The following PLS1 variants were observed in gnomAD, a reference collection of about 807,000 sequenced individuals.
PLS1 encodes the protein plastin-1.
In PLS1, 32 loss-of-function variants were observed where a neutral mutation model predicts 73.7. The ratio of observed to expected loss-of-function variants is 0.43; its 90% CI spans 0.33 to 0.58. PLS1 has a LOEUF of 0.58. Ranked by LOEUF, PLS1 falls within the 20% of genes least tolerant of loss-of-function variation. PLS1 has a pLI of 0.04. For missense variants in PLS1, 633 were observed against 740.5 expected (o/e 0.85, Z 1.68); for synonymous variants, 217 against 261.3 (o/e 0.83, Z 1.63).
At chr3:142,698,257 A>G in intron 12 of PLS1, 190 bp downstream of exon 12, 1 of 450,548 alleles carries the variant, frequency 2.2e-6, no homozygotes, top group East Asian at 3.8e-5. Context: ...CTAGTCAGAC[A>G]CTTTATATAA....
intron 1 of PLS1, among the ~76,000 whole-genome samples, chr3:142,599,264 A>G (rs1278143927): frequency 2.0e-5 from 3 of 151,038 alleles, no homozygotes; most frequent in Admixed American, 6.6e-5. Flanking sequence ...TCTTAGAGCT[A>G]TATGGTAGCG....
chr3:142,696,720 AAATAATAATAATAATAAT>A (rs370809568), intron 11 of PLS1, among the ~76,000 whole-genome samples: 1 of 136,860 alleles, frequency 7.3e-6, no homozygotes, highest in East Asian at 2.0e-4. Context: ...TCTATTTGCA[AAATAATAATAATAATAAT>A]AATAATAATA....
intron 14 of PLS1, among the ~76,000 whole-genome samples, chr3:142,708,557 A>T (rs573458981): frequency 1.3e-5 from 2 of 152,180 alleles, no homozygotes; most frequent in East Asian, 3.9e-4. Flanking sequence ...TTCCACTTTT[A>T]TTTTTTAAAA....
chr3:142,698,593 G>A (rs1164046653), intron 12 of PLS1, among the ~76,000 whole-genome samples: 1 of 152,084 alleles, frequency 6.6e-6, no homozygotes, highest in Non-Finnish European at 1.5e-5. Context: ...TACTGAAATA[G>A]TAATAGCAAA....
In PLS1 at chr3:142,689,604, G is replaced by T. The variant is rs1161705120; in HGVS notation, c.982-14G>T. On this transcript the variant is annotated splice_polypyrimidine_tract_variant and intron_variant, in intron 9 of 15. Coordinates refer to ENST00000457734, the MANE Select transcript of PLS1 (RefSeq NM_001145319.2). ...TAAAACTTCAATTGTAACCATTTTT[G>T]TTTTATTGTTTAGGAGACAAATGAC... The T allele has an allele frequency of 4.7e-6, 7 of 1,474,294 alleles. No homozygotes were observed. The highest frequency in any genetic ancestry group is 4.9e-5 in the Admixed American group (2 of 40,714). The allele number at this position is 1,474,294 out of a possible 1,614,324, so 91.3% of individuals were successfully genotyped here.
intron 4 of PLS1, among the ~76,000 whole-genome samples, chr3:142,675,571 G>T (rs573057001): frequency 6.6e-6 from 1 of 152,154 alleles, no homozygotes; most frequent in South Asian, 2.1e-4. Context: ...TTATTTAGTA[G>T]AGATGAGGTT....
At chr3:142,619,786 T>A (rs575888225) in intron 1 of PLS1, 40 of 152,334 alleles carry the variant, frequency 2.6e-4, no homozygotes, top group African/African-American at 9.1e-4. Flanking sequence ...TAATGTCTCA[T>A]ATAAGCAAGT....
intron 1 of PLS1, among the ~76,000 whole-genome samples, chr3:142,630,164 G>A (rs1350470146): frequency 1.3e-5 from 2 of 152,180 alleles, no homozygotes; most frequent in African/African-American, 2.4e-5. Flanking sequence ...GCTCACACCT[G>A]TAATCCCAGC....
chr3:142,627,929 C>G (rs979355850), intron 1 of PLS1: 4 of 151,930 alleles, frequency 2.6e-5, no homozygotes, highest in African/African-American at 9.7e-5. Flanking sequence ...CCATGCTGGG[C>G]CAATCATATT....
chr3:142,649,681 G>A (rs556618769), intron 1 of PLS1, among the ~76,000 whole-genome samples: 1 of 152,124 alleles, frequency 6.6e-6, no homozygotes, highest in East Asian at 1.9e-4. Context: ...TGAATGAAGG[G>A]AAAGGGAAGA....
chr3:142,648,317 CT>C (rs147345648), intron 1 of PLS1, among the ~76,000 whole-genome samples: 2,233 of 152,098 alleles, frequency 0.015, 54 homozygotes, highest in African/African-American at 0.05. Context: ...AAGAGGAGGC[CT>C]TTTTCAGGAT....
At chr3:142,693,241 G>T (rs2038122187) in intron 10 of PLS1, among the ~76,000 whole-genome samples, 1 of 152,194 alleles carries the variant, frequency 6.6e-6, no homozygotes, top group African/African-American at 2.4e-5. Flanking sequence ...ACTACAGTGG[G>T]TAGATGATTT....
In PLS1 at chr3:142,600,897, TATATATATATATATATATA is replaced by T. The variant is rs1560024390; in HGVS notation, c.-37+4389_-37+4407del. The stretch of plus-strand genomic sequence containing the variant: ...GGTTTCATATATATATATATATATA[TATATATATATATATATATA>T]TTTTTTTTTTTTTTTTTTTTTTTTT... On this transcript the variant is annotated intron_variant, in intron 1 of 15. Coordinates refer to ENST00000457734, the MANE Select transcript of PLS1 (RefSeq NM_001145319.2). Among the ~76,000 whole-genome samples the T allele has an allele frequency of 9.7e-4, 29 of 29,794 alleles. 1 individual carries two copies. Among genetic ancestry groups the T allele is most frequent in the African/African-American group, 3.7e-3 (20 of 5,364 alleles). The allele number at this position is 29,794 out of a possible 152,430, so 19.5% of individuals were successfully genotyped here. A position where few individuals can be genotyped will look rare whatever the true frequency, so the allele number is the denominator to read the frequency against.
intron 1 of PLS1, among the ~76,000 whole-genome samples, chr3:142,647,384 G>A (rs1403098797): frequency 1.3e-5 from 2 of 152,110 alleles, no homozygotes; most frequent in African/African-American, 4.8e-5. Context: ...AAATAGTCAA[G>A]AACTCCATTT....
intron 1 of PLS1, among the ~76,000 whole-genome samples, chr3:142,658,417 G>C (rs571385760): frequency 1.3e-5 from 2 of 151,396 alleles, no homozygotes; most frequent in Non-Finnish European, 2.9e-5. Flanking sequence ...CAGAGGCTGC[G>C]GTGAGCTGAG....
chr3:142,659,672 CTTTTTTT>C (rs533796970), intron 1 of PLS1, among the ~76,000 whole-genome samples: 19 of 138,806 alleles, frequency 1.4e-4, no homozygotes, highest in African/African-American at 2.4e-4. Flanking sequence ...TTTCTTTTTT[CTTTTTTT>C]TTTTTTGTTG....
intron 1 of PLS1, among the ~76,000 whole-genome samples, chr3:142,638,816 A>C (rs1246845024): frequency 6.6e-6 from 1 of 151,952 alleles, no homozygotes; most frequent in African/African-American, 2.4e-5. Context: ...ATCTCAGCTC[A>C]CTGCAACCTC....
chr3:142,605,692 A>T (rs892146540), intron 1 of PLS1, among the ~76,000 whole-genome samples: 1 of 152,194 alleles, frequency 6.6e-6, no homozygotes, highest in Non-Finnish European at 1.5e-5. Context: ...TAATTCCTCT[A>T]TGAAATTTAT....
intron 1 of PLS1, among the ~76,000 whole-genome samples, chr3:142,600,317 C>G (rs966508417): frequency 2.0e-5 from 3 of 152,128 alleles, no homozygotes. Context: ...GAGGCAGACA[C>G]AAATGGGTTG....
Sources: allele counts gnomAD v4.1 joint callset (sites outside exome capture counted in the v4.1 genomes callset), GRCh38; gene constraint gnomAD v4.1.1; transcripts MANE v1.5; gene names NCBI Gene and HGNC (gene_info 2026-07-23, HGNC 2026-07-21).